The following MYO5B variants were observed in gnomAD, a reference collection of about 807,000 sequenced individuals.
The protein encoded by MYO5B is unconventional myosin-Vb.
Under a neutral mutation model 229.3 loss-of-function variants are expected in MYO5B, and 143 were observed. The ratio of observed to expected loss-of-function variants is 0.62; its 90% CI spans 0.54 to 0.72. The LOEUF is 0.72. MYO5B is among the 30% of genes least tolerant of loss of function. The pLI is 0.00. For missense variants in MYO5B, 2,321 were observed against 2,331.0 expected (o/e 1.00, Z 0.09); for synonymous variants, 918 against 885.2 (o/e 1.04, Z -0.66).
intron 27 of MYO5B, among the ~76,000 whole-genome samples, chr18:49,870,776 TAAAA>T (rs2024447556): frequency 6.6e-6 from 1 of 151,744 alleles, no homozygotes; most frequent in African/African-American, 2.4e-5. Context: ...AATAAATAAA[TAAAA>T]GAAAAGAAAA....
intron 10 of MYO5B, among the ~76,000 whole-genome samples, chr18:49,971,310 GACC>G (rs1165896024): frequency 1.3e-5 from 2 of 152,102 alleles, no homozygotes; most frequent in Non-Finnish European, 2.9e-5. Context: ...ACCAAGAAAT[GACC>G]ACATTAAAAA....
chr18:50,094,035 C>G (rs2031502309), intron 1 of MYO5B, among the ~76,000 whole-genome samples: 1 of 152,198 alleles, frequency 6.6e-6, no homozygotes, highest in African/African-American at 2.4e-5. Flanking sequence ...AATTCATTTA[C>G]TTTAATAAAC....
At position 49,974,603 on chromosome 18, in the gene MYO5B, A is replaced by T. The variant is rs772554828; in HGVS notation, c.1069T>A (p.Tyr357Asn). 1.9e-6 allele frequency: 3 copies of T among 1,613,880 alleles called. No homozygotes were observed. Among genetic ancestry groups the T allele is most frequent in the Non-Finnish European group, 2.5e-6 (3 of 1,179,904 alleles). Residue 357 changes from tyrosine (Y) to asparagine (N), a missense_variant, in exon 10 of 40, where the codon TAC becomes AAC. Transcript: ENST00000285039. ...DSCSISPQDVYLSNFCRLLGV... is the reference protein window; with the variant it reads ...DSCSISPQDVNLSNFCRLLGV... Reference sequence around the variant, plus strand: ...AGCAGTCGGCAGAAGTTGCTTAGGTATACATCCTGGGGCTGTGGGAGATGG... The same window carrying T: ...AGCAGTCGGCAGAAGTTGCTTAGGTTTACATCCTGGGGCTGTGGGAGATGG...
chr18:49,948,640 A>AT (rs1230137831), intron 14 of MYO5B, among the ~76,000 whole-genome samples: 1 of 152,248 alleles, frequency 6.6e-6, no homozygotes, highest in African/African-American at 2.4e-5. Flanking sequence ...TAAACATAAG[A>AT]TTTTTAAAAA....
At chr18:50,013,802 T>G (rs1054443207) in intron 4 of MYO5B, among the ~76,000 whole-genome samples, 2 of 152,236 alleles carry the variant, frequency 1.3e-5, no homozygotes, top group African/African-American at 2.4e-5. Context: ...ACTCACTTGC[T>G]TCACAGAGAC....
At chr18:49,917,970 C>T (rs1404511799) in intron 17 of MYO5B, among the ~76,000 whole-genome samples, 8 of 152,168 alleles carry the variant, frequency 5.3e-5, no homozygotes, top group Non-Finnish European at 7.3e-5. Context: ...GAGACAGTAA[C>T]AAAGGCCAAT....
chr18:49,936,256 A>G lies in MYO5B; in HGVS notation c.1999T>C (p.Phe667Leu), dbSNP rs961964592. 8 of 1,592,624 alleles carry G rather than the reference A, an allele frequency of 5.0e-6. No homozygotes were observed. The highest frequency in any genetic ancestry group is 6.8e-6 in the Non-Finnish European group (8 of 1,168,392). ...TAATGCCCAGCAGGCACTTACTGAA[A>G]GGGGAGCTTCTCATCGTTGGGCTTG... ...CIKPNDEKLP[F>L]HFDPKRAVQQ... The change falls in exon 16 of 40, where the codon TTT becomes CTT. Residue 667 changes from phenylalanine (F) to leucine (L), a missense_variant. Physicochemically the swap from Phe to Leu is conservative, Grantham distance 22 (BLOSUM62 0). This residue lies in a region of MYO5B where 2,113 missense variants were observed against 2,044.7 expected (regional missense o/e 1.03). Transcript: ENST00000285039.
intron 1 of MYO5B, among the ~76,000 whole-genome samples, chr18:50,151,701 T>C (rs896639312): frequency 7.2e-5 from 11 of 152,232 alleles, no homozygotes; most frequent in African/African-American, 2.4e-4. Flanking sequence ...ACTGAATTTT[T>C]TTTTTAAGCC....
chr18:50,132,664 G>C (rs977517804), intron 1 of MYO5B, among the ~76,000 whole-genome samples: 6 of 152,176 alleles, frequency 3.9e-5, no homozygotes, highest in Non-Finnish European at 2.9e-5. Flanking sequence ...AGGGTTGCCT[G>C]CTCAGAATTA....
intron 4 of MYO5B, among the ~76,000 whole-genome samples, chr18:50,017,525 A>G (rs2144352952): frequency 6.6e-6 from 1 of 152,272 alleles, no homozygotes; most frequent in Admixed American, 6.5e-5. Flanking sequence ...GTAAGGAGAG[A>G]TTATATTTTA....
chr18:49,864,135 T>C lies in MYO5B; in HGVS notation c.3843+6A>G. ...GCAGCCCCACCGCGGGCCGCCATCTTGTTACCGCGTTCCTGCCGGCGAGTC... is the reference window on the plus strand; with the variant it reads ...GCAGCCCCACCGCGGGCCGCCATCTCGTTACCGCGTTCCTGCCGGCGAGTC... On this transcript the variant is annotated splice_donor_region_variant and intron_variant, in intron 28 of 39. Transcript: ENST00000285039. 1 of 1,607,286 alleles carries C rather than the reference T, an allele frequency of 6.2e-7. No homozygotes were observed. Among genetic ancestry groups the C allele is most frequent in the Non-Finnish European group, 8.5e-7 (1 of 1,179,798 alleles).
At chr18:50,026,369 A>G (rs2026331463) in intron 4 of MYO5B, among the ~76,000 whole-genome samples, 1 of 152,254 alleles carries the variant, frequency 6.6e-6, no homozygotes, top group South Asian at 2.1e-4. Flanking sequence ...CTCAGCCACT[A>G]ACAGTGCAAT....
In MYO5B at chr18:50,191,847, T is replaced by G. The variant is rs902545316; in HGVS notation, c.27+2920A>C. Among the ~76,000 whole-genome samples the G allele has an allele frequency of 2.6e-5, 4 of 152,176 alleles. No individual in the cohort carries two copies. The South Asian group carries it at 6.2e-4, about 24-fold the overall frequency. ...TTGAGGCACTAAGAAAGTTAAGTCATCAGTTTGAAAAGAAGCCCCTATCAG... is the reference window on the plus strand; with the variant it reads ...TTGAGGCACTAAGAAAGTTAAGTCAGCAGTTTGAAAAGAAGCCCCTATCAG... On this transcript the variant is annotated intron_variant, in intron 1 of 39. Coordinates refer to ENST00000285039, the MANE Select transcript of MYO5B (RefSeq NM_001080467.3).
At chr18:49,922,375 G>A (rs2144181922) in intron 17 of MYO5B, among the ~76,000 whole-genome samples, 1 of 152,300 alleles carries the variant, frequency 6.6e-6, no homozygotes, top group Admixed American at 6.5e-5. Context: ...ATGGTGCTGA[G>A]TCAAAATATT....
At chr18:49,852,762 T>C in intron 31 of MYO5B, among the ~76,000 whole-genome samples, 1 of 152,146 alleles carries the variant, frequency 6.6e-6, no homozygotes, top group African/African-American at 2.4e-5. Context: ...ATCCCCTTCA[T>C]ACCTCCTGTC....
chr18:50,062,339 C>T (rs992865902), intron 1 of MYO5B, among the ~76,000 whole-genome samples: 3 of 152,182 alleles, frequency 2.0e-5, no homozygotes, highest in Non-Finnish European at 2.9e-5. Flanking sequence ...CACAGCCTAA[C>T]TTGATAGCTG....
At chr18:49,867,229 T>C (rs1365155088) in intron 27 of MYO5B, among the ~76,000 whole-genome samples, 1 of 151,904 alleles carries the variant, frequency 6.6e-6, no homozygotes, top group Admixed American at 6.6e-5. Flanking sequence ...ATACAGAGAT[T>C]TAGGAGGTGG....
chr18:50,101,634 T>TA (rs2031656970), intron 1 of MYO5B, among the ~76,000 whole-genome samples: 3 of 151,740 alleles, frequency 2.0e-5, no homozygotes, highest in Non-Finnish European at 4.4e-5. Flanking sequence ...CCAACAAACA[T>TA]AAAAAAGGCT....
At chr18:50,043,280 A>ATTT (rs2030078631) in intron 2 of MYO5B, among the ~76,000 whole-genome samples, 1 of 99,820 alleles carries the variant, frequency 1.0e-5, no homozygotes, top group Non-Finnish European at 2.0e-5. Context: ...AAATATATTT[A>ATTT]TATTTATATA....
Sources: allele counts gnomAD v4.1 joint callset (sites outside exome capture counted in the v4.1 genomes callset), GRCh38; gene constraint gnomAD v4.1.1; regional missense constraint gnomAD v4.1.1; transcripts MANE v1.5; gene names NCBI Gene and HGNC (gene_info 2026-07-23, HGNC 2026-07-21).